Variants in SGPL1 observed in about 807,000 individuals in gnomAD.
The protein encoded by SGPL1 is sphingosine-1-phosphate lyase 1, also known as SP-lyase 1.
SGPL1 carries 37 observed loss-of-function variants against 68.9 expected under a neutral mutation model. The ratio of observed to expected loss-of-function variants is 0.54; its 90% CI spans 0.41 to 0.71. The LOEUF (loss-of-function observed/expected upper bound fraction) is 0.71, where lower values mean the gene tolerates loss of function less well. Among genes scored for constraint, SGPL1 ranks in the 30% least tolerant of loss-of-function variants. The pLI, the probability that SGPL1 is intolerant of heterozygous loss-of-function variation, is 0.00. For missense variants in SGPL1, 551 were observed against 704.6 expected, an observed-to-expected ratio of 0.78 and a Z score of 2.47; for synonymous variants, 236 against 248.5, an observed-to-expected ratio of 0.95 and a Z score of 0.47.
rs768030386 is a variant in SGPL1, at chr10:70,875,560, G to C, written c.1445+12G>C. 3 of 1,600,056 alleles carry C rather than the reference G, an allele frequency of 1.9e-6. No homozygotes were observed. Among genetic ancestry groups the C allele is most frequent in the Non-Finnish European group, 8.5e-7 (1 of 1,172,302 alleles). On this transcript the variant is annotated intron_variant, in intron 13 of 14. Transcript: ENST00000373202. Reference sequence around the variant, plus strand: ...CAGTTCCCACCCAGGTAAGCTTGAAGAAGCCTCTTTCCCTTATTTTGCTCC... The same window carrying C: ...CAGTTCCCACCCAGGTAAGCTTGAACAAGCCTCTTTCCCTTATTTTGCTCC...
intron 2 of SGPL1, among the ~76,000 whole-genome samples, chr10:70,818,031 A>AGT (rs1845268133): frequency 6.6e-6 from 1 of 152,220 alleles, no homozygotes; most frequent in South Asian, 2.1e-4. Context: ...TGGACTTCTT[A>AGT]GTGTGAGAAT....
intron 1 of SGPL1, among the ~76,000 whole-genome samples, chr10:70,816,531 G>A (rs1185318513): frequency 6.6e-6 from 1 of 152,170 alleles, no homozygotes; most frequent in Non-Finnish European, 1.5e-5. Flanking sequence ...CACCCCGATC[G>A]CGCGCAGACG....
chr10:70,832,531 G>A (rs1016043361), intron 2 of SGPL1, among the ~76,000 whole-genome samples: 1 of 152,156 alleles, frequency 6.6e-6, no homozygotes, highest in African/African-American at 2.4e-5. Context: ...TTCCCCAATC[G>A]TGATATGCTC....
At chr10:70,847,375 C>T (rs1845808306) in intron 3 of SGPL1, among the ~76,000 whole-genome samples, 4 of 152,102 alleles carry the variant, frequency 2.6e-5, no homozygotes, top group Admixed American at 2.6e-4. Flanking sequence ...TTTTGAACTC[C>T]TGACCTCAGG....
intron 5 of SGPL1, chr10:70,857,319 T>C (rs997666009): frequency 2.9e-6 from 1 of 348,694 alleles, no homozygotes; most frequent in Admixed American, 4.3e-5. Context: ...CAAATGTTCC[T>C]GCTGTTAGAA....
intron 7 of SGPL1, among the ~76,000 whole-genome samples, chr10:70,862,535 C>T (rs989841569): frequency 2.0e-5 from 3 of 152,282 alleles, no homozygotes; most frequent in Admixed American, 6.5e-5. Context: ...AAGCTTTGTT[C>T]TTTCGCTCTT....
chr10:70,829,609 C>T (rs933296232), intron 2 of SGPL1, among the ~76,000 whole-genome samples: 3 of 151,770 alleles, frequency 2.0e-5, no homozygotes. Context: ...GTTGAATTAT[C>T]CCAATGGCTT....
At chr10:70,817,004 CTTTTA>C (rs1337219684) in intron 2 of SGPL1, 124 bp downstream of exon 2, 8 of 986,634 alleles carry the variant, frequency 8.1e-6, no homozygotes, top group African/African-American at 4.8e-5. Context: ...GTTTTGCCAC[CTTTTA>C]TTTTGTTTTG....
intron 2 of SGPL1, among the ~76,000 whole-genome samples, chr10:70,833,813 T>G (rs888884090): frequency 1.8e-4 from 28 of 152,232 alleles, no homozygotes; most frequent in Non-Finnish European, 1.5e-5. Context: ...CCATTCCTGC[T>G]GTAAAGCTCA....
rs540930692 is a variant in SGPL1 at position 70,816,829 on chromosome 10, G to A, written c.-25G>A. Reference sequence around the variant, plus strand: ...TTTACAGAGTCTGAAAAAGGGGAGCGCGGAGAGGAGGCTGGAAGAGGAAGA... The same window carrying A: ...TTTACAGAGTCTGAAAAAGGGGAGCACGGAGAGGAGGCTGGAAGAGGAAGA... On this transcript the variant is annotated 5_prime_UTR_variant, in exon 2 of 15. Transcript: ENST00000373202. 2 of 1,613,306 alleles carry A rather than the reference G, an allele frequency of 1.2e-6. No individual in the cohort carries two copies. Among genetic ancestry groups the A allele is most frequent in the African/African-American group, 1.3e-5 (1 of 75,012 alleles).
intron 2 of SGPL1, among the ~76,000 whole-genome samples, chr10:70,839,316 A>C (rs899858963): frequency 1.3e-5 from 2 of 148,388 alleles, no homozygotes; most frequent in African/African-American, 5.0e-5. Context: ...GTTATACTTT[A>C]AAAAGTATTA....
chr10:70,873,618 T>A, intron 12 of SGPL1, 29 bp downstream of exon 12: 1 of 1,539,510 alleles, frequency 6.5e-7, no homozygotes, highest in South Asian at 1.1e-5. Flanking sequence ...GGTTCTGCCT[T>A]GTCTATTGCT....
chr10:70,837,601 T>C (rs1463855848), intron 2 of SGPL1, among the ~76,000 whole-genome samples: 5 of 152,178 alleles, frequency 3.3e-5, no homozygotes, highest in African/African-American at 1.2e-4. Context: ...GTTGAATGAC[T>C]GAAACTCTTA....
At chr10:70,862,782 C>A (rs1031818435) in intron 7 of SGPL1, among the ~76,000 whole-genome samples, 2 of 152,130 alleles carry the variant, frequency 1.3e-5, no homozygotes, top group African/African-American at 4.8e-5. Flanking sequence ...AAATTCCGGA[C>A]ACATCCGAAC....
chr10:70,819,036 A>G (rs879718367), intron 2 of SGPL1, among the ~76,000 whole-genome samples: 7 of 152,188 alleles, frequency 4.6e-5, no homozygotes, highest in African/African-American at 7.2e-5. Context: ...CCTCTTACAG[A>G]AGGATATGTT....
chr10:70,868,477 C>A, intron 8 of SGPL1, 44 bp downstream of exon 8: 1 of 1,461,208 alleles, frequency 6.8e-7, no homozygotes, highest in Non-Finnish European at 9.6e-7. Flanking sequence ...ATTTGTCTGT[C>A]TGGAGTACAG....
intron 7 of SGPL1, among the ~76,000 whole-genome samples, chr10:70,861,962 G>A (rs1210418264): frequency 6.6e-6 from 1 of 152,214 alleles, no homozygotes; most frequent in East Asian, 1.9e-4. Flanking sequence ...CAGCCTCCTT[G>A]ACGAGCGCCA....
chr10:70,817,221 G>T (rs1190908301), intron 2 of SGPL1, among the ~76,000 whole-genome samples: 1 of 152,122 alleles, frequency 6.6e-6, no homozygotes, highest in Non-Finnish European at 1.5e-5. Context: ...GGTTCTCCAT[G>T]TTGGCCAGGC....
At chr10:70,854,464 C>T (rs944013357) in intron 4 of SGPL1, among the ~76,000 whole-genome samples, 4 of 152,064 alleles carry the variant, frequency 2.6e-5, no homozygotes, top group African/African-American at 7.2e-5. Flanking sequence ...TGTAAGCCAC[C>T]GCGACCGGCT....
Sources: allele counts gnomAD v4.1 joint callset (sites outside exome capture counted in the v4.1 genomes callset), GRCh38; gene constraint gnomAD v4.1.1; transcripts MANE v1.5; gene names NCBI Gene and HGNC (gene_info 2026-07-23, HGNC 2026-07-21).